The following PRIM2 variants were observed in gnomAD, a reference collection of about 807,000 sequenced individuals.
The protein encoded by PRIM2 is DNA primase subunit 2, also known as DNA primase large subunit.
A neutral mutation model predicts 67.3 loss-of-function variants in PRIM2; 39 were observed. That is an observed-to-expected ratio of 0.58 (90% confidence interval 0.45 to 0.76). The LOEUF (loss-of-function observed/expected upper bound fraction) is 0.76. Ranked by LOEUF, PRIM2 falls within the 30% of genes least tolerant of loss-of-function variation. The pLI is 0.00. For missense variants in PRIM2, 398 were observed against 598.7 expected (o/e 0.66, Z 3.50); for synonymous variants, 143 against 198.7 (o/e 0.72, Z 2.36).
intron 10 of PRIM2, among the ~76,000 whole-genome samples, chr6:57,573,672 C>G (rs1258061548): frequency 2.6e-5 from 4 of 152,064 alleles, no homozygotes. Flanking sequence ...ATGTGATAAT[C>G]TATTCAGGTA....
At chr6:57,483,029 C>G (rs1411986877) in intron 7 of PRIM2, among the ~76,000 whole-genome samples, 140 of 152,102 alleles carry the variant, frequency 9.2e-4, no homozygotes, top group Non-Finnish European at 1.8e-3. Flanking sequence ...CGTGCCTCAG[C>G]CTCCAGAGTA....
intron 7 of PRIM2, among the ~76,000 whole-genome samples, chr6:57,400,523 C>G (rs1224015007): frequency 6.6e-6 from 1 of 152,136 alleles, no homozygotes; most frequent in South Asian, 2.1e-4. Context: ...CTCTAGCTGC[C>G]TTTAACATAC....
intron 8 of PRIM2, among the ~76,000 whole-genome samples, chr6:57,517,450 A>G (rs1774509429): frequency 2.6e-5 from 4 of 152,194 alleles, no homozygotes; most frequent in Admixed American, 2.0e-4. Context: ...TGTTTAATCC[A>G]GTAGCCAATA....
At chr6:57,549,112 G>C (rs1294477569) in intron 10 of PRIM2, among the ~76,000 whole-genome samples, 1 of 152,132 alleles carries the variant, frequency 6.6e-6, no homozygotes, top group East Asian at 1.9e-4. Context: ...TTTGTAACTG[G>C]CTAAGCCAGC....
intron 5 of PRIM2, among the ~76,000 whole-genome samples, chr6:57,360,264 A>G (rs924930573): frequency 7.2e-5 from 11 of 152,166 alleles, no homozygotes; most frequent in Non-Finnish European, 1.2e-4. Context: ...AATGAATGAA[A>G]CAATCATAAG....
chr6:57,259,046 A>C, the PRIM2 span, among the ~76,000 whole-genome samples: 1 of 152,232 alleles, frequency 6.6e-6, no homozygotes. Context: ...TGGCAAACAC[A>C]TGGATATATT....
chr6:57,334,256 C>A (rs1308114700), intron 5 of PRIM2, among the ~76,000 whole-genome samples: 1 of 151,704 alleles, frequency 6.6e-6, no homozygotes, highest in Non-Finnish European at 1.5e-5. Context: ...TTTTTTATGA[C>A]TCAATATTAT....
intron 5 of PRIM2, among the ~76,000 whole-genome samples, chr6:57,345,918 A>G (rs1321870384): frequency 1.3e-5 from 2 of 152,056 alleles, no homozygotes; most frequent in Non-Finnish European, 2.9e-5. Context: ...TAATTTTTGG[A>G]TGTTGCCATG....
chr6:57,575,117 A>G (rs1399137497), intron 10 of PRIM2, among the ~76,000 whole-genome samples: 23 of 152,050 alleles, frequency 1.5e-4, no homozygotes, highest in Non-Finnish European at 1.5e-4. Context: ...CTCAAACATA[A>G]CATGGCCCAG....
chr6:57,573,817 T>C lies in PRIM2; in HGVS notation c.1021-27276T>C, dbSNP rs1315532731. 5.3e-3 allele frequency among the ~76,000 whole-genome samples: 810 copies of C among 152,342 alleles called. 6 individuals carry two copies. Among genetic ancestry groups the C allele is most frequent in the African/African-American group, 0.019 (780 of 41,572 alleles). On this transcript the variant is annotated intron_variant, in intron 10 of 13. Coordinates refer to ENST00000615550, the MANE Select transcript of PRIM2 (RefSeq NM_000947.5). ...TAGCATAGTAACATCCTTACACACATATATAGAGTTTCCGCGTAGTTGGTG... is the reference window on the plus strand; with the variant it reads ...TAGCATAGTAACATCCTTACACACACATATAGAGTTTCCGCGTAGTTGGTG...
chr6:57,491,954 G>A (rs1554345996), intron 7 of PRIM2, among the ~76,000 whole-genome samples: 1 of 152,068 alleles, frequency 6.6e-6, no homozygotes, highest in African/African-American at 2.4e-5. Flanking sequence ...AGTTTGAGCC[G>A]CTCCATATGG....
At chr6:57,445,291 A>G (rs1311142939) in intron 7 of PRIM2, among the ~76,000 whole-genome samples, 3 of 152,154 alleles carry the variant, frequency 2.0e-5, no homozygotes, top group Non-Finnish European at 4.4e-5. Flanking sequence ...ATCAGGGGAC[A>G]GAGTTAGGAG....
intron 7 of PRIM2, among the ~76,000 whole-genome samples, chr6:57,491,905 C>G (rs1298626268): frequency 1.3e-5 from 2 of 152,176 alleles, no homozygotes; most frequent in Non-Finnish European, 2.9e-5. Context: ...CAATTCCTGG[C>G]AGCTCCACCC....
At chr6:57,331,781 A>G (rs1029935111) in intron 5 of PRIM2, among the ~76,000 whole-genome samples, 2 of 151,442 alleles carry the variant, frequency 1.3e-5, no homozygotes, top group African/African-American at 4.8e-5. Context: ...TAACAATTAG[A>G]GTCTTCTCTT....
At chr6:57,450,437 A>G (rs1361783739) in intron 7 of PRIM2, among the ~76,000 whole-genome samples, 2 of 152,208 alleles carry the variant, frequency 1.3e-5, no homozygotes, top group Non-Finnish European at 2.9e-5. Flanking sequence ...TTGTCTCTGA[A>G]GAATCTTAGC....
At chr6:57,224,527 T>C in the PRIM2 span, among the ~76,000 whole-genome samples, 2 of 152,196 alleles carry the variant, frequency 1.3e-5, no homozygotes, top group Non-Finnish European at 2.9e-5. Context: ...TGGTGATGGT[T>C]GCACAACGAT....
the PRIM2 span, among the ~76,000 whole-genome samples, chr6:57,233,883 A>C: frequency 6.6e-6 from 1 of 151,990 alleles, no homozygotes; most frequent in South Asian, 2.1e-4. Flanking sequence ...GGCTGGACTC[A>C]ATCTCCTGGG....
At chr6:57,429,931 A>G (rs1490251852) in intron 7 of PRIM2, among the ~76,000 whole-genome samples, 1 of 152,206 alleles carries the variant, frequency 6.6e-6, no homozygotes, top group Admixed American at 6.5e-5. Flanking sequence ...AGTGCTGTTG[A>G]ACATCTTTTC....
rs575858967 is a variant in PRIM2 at position 57,440,487 on chromosome 6, A to G, written c.693+58319A>G. Reference sequence around the variant, plus strand: ...ATATTAAAAAGAATTAGAAGTTAATACCTGGTTTAGGATCATATTCCTCTC... The same window carrying G: ...ATATTAAAAAGAATTAGAAGTTAATGCCTGGTTTAGGATCATATTCCTCTC... On this transcript the variant is annotated intron_variant, in intron 7 of 13. Coordinates refer to ENST00000615550, the MANE Select transcript of PRIM2 (RefSeq NM_000947.5). 1.3e-3 allele frequency among the ~76,000 whole-genome samples: 192 copies of G among 152,328 alleles called. 5 individuals are homozygous for G. In the East Asian group the frequency reaches 0.016, roughly 13 times the overall value.
Sources: gnomAD v4.1 joint callset for allele counts (sites outside exome capture counted in the v4.1 genomes callset) on GRCh38, gnomAD v4.1.1 for gene constraint, MANE v1.5 for transcripts, NCBI Gene and HGNC (gene_info 2026-07-23, HGNC 2026-07-21) for gene names.